Variants in CERKL observed in about 807,000 individuals in gnomAD.
CERKL encodes ceramide kinase-like protein.
Under a neutral mutation model 63.4 loss-of-function variants are expected in CERKL, and 61 were observed. The observed-to-expected ratio is 0.96, with a 90% CI of 0.78 to 1.19. The LOEUF (loss-of-function observed/expected upper bound fraction) is 1.19, where lower values mean the gene tolerates loss of function less well. Among genes scored for constraint, CERKL ranks in the 50% most tolerant of loss-of-function variants. The probability of loss-of-function intolerance (pLI) is 0.00; values close to 1 mark genes in which losing one functional copy is unlikely to be tolerated. For missense variants in CERKL, 675 were observed against 655.5 expected (o/e 1.03, Z -0.33); for synonymous variants, 250 against 230.5 (o/e 1.08, Z -0.77).
At chr2:181,538,297 A>C in intron 12 of CERKL, 53 bp from the exon 13 acceptor site, 1 of 1,043,204 alleles carries the variant, frequency 9.6e-7, no homozygotes, top group Non-Finnish European at 1.5e-6. Flanking sequence ...TTTCACATAC[A>C]CCTAATAAGT....
intron 2 of CERKL, among the ~76,000 whole-genome samples, chr2:181,603,536 T>A (rs1186458079): frequency 3.3e-5 from 5 of 152,118 alleles, no homozygotes; most frequent in African/African-American, 9.7e-5. Context: ...TTCAATAGCA[T>A]CTTTAAAAGA....
intron 1 of CERKL, among the ~76,000 whole-genome samples, chr2:181,656,127 C>G (rs928124757): frequency 6.6e-6 from 1 of 152,144 alleles, no homozygotes; most frequent in South Asian, 2.1e-4. Flanking sequence ...CTTGACGTAA[C>G]TAAGCATCGC....
At chr2:181,569,770 A>C (rs1002839032) in intron 3 of CERKL, among the ~76,000 whole-genome samples, 3 of 152,206 alleles carry the variant, frequency 2.0e-5, no homozygotes, top group African/African-American at 7.2e-5. Flanking sequence ...CAGACAGGAT[A>C]TCTCTCTTCA....
At chr2:181,548,160 C>T in intron 8 of CERKL, 1 of 536,278 alleles carries the variant, frequency 1.9e-6, no homozygotes. Context: ...AGGGACAAAA[C>T]TGTGTGTTTT....
chr2:181,602,920 T>C (rs963823451), intron 2 of CERKL, among the ~76,000 whole-genome samples: 2 of 152,228 alleles, frequency 1.3e-5, no homozygotes, highest in Non-Finnish European at 2.9e-5. Flanking sequence ...CCTAAGATCA[T>C]ATTTTAACTA....
chr2:181,544,695 T>G lies in CERKL; in HGVS notation c.1365+5A>C, dbSNP rs936783486. ...CAAATAAGTAACAAAAAGAATTTAC[T>G]ATACCTGATTTTTTACACTGGCATA... On this transcript the variant is annotated splice_donor_5th_base_variant and intron_variant, in intron 11 of 12. Coordinates refer to ENST00000410087, the MANE Select transcript of CERKL (RefSeq NM_201548.5). 1 of 1,547,106 alleles carries G rather than the reference T, an allele frequency of 6.5e-7. No individual in the cohort carries two copies. Among genetic ancestry groups the G allele is most frequent in the African/African-American group, 1.4e-5 (1 of 73,406 alleles).
intron 3 of CERKL, among the ~76,000 whole-genome samples, chr2:181,570,119 G>T (rs759403023): frequency 7.9e-5 from 12 of 152,140 alleles, no homozygotes; most frequent in Non-Finnish European, 1.6e-4. Flanking sequence ...CTGGAAGAAA[G>T]GGCACCTTTT....
intron 1 of CERKL, among the ~76,000 whole-genome samples, chr2:181,642,215 T>C (rs1405993257): frequency 6.6e-6 from 1 of 152,202 alleles, no homozygotes; most frequent in Non-Finnish European, 1.5e-5. Flanking sequence ...ATAATTCACA[T>C]GAGTAATAGG....
intron 8 of CERKL, 163 bp from the exon 9 acceptor site, chr2:181,548,010 G>A (rs145305774): frequency 4.5e-6 from 3 of 668,818 alleles, no homozygotes; most frequent in African/African-American, 3.6e-5. Flanking sequence ...CAATTTTGTT[G>A]CTGCCAACAT....
chr2:181,632,069 TAA>T (rs1183441561), intron 1 of CERKL, among the ~76,000 whole-genome samples: 22 of 152,364 alleles, frequency 1.4e-4, no homozygotes, highest in Admixed American at 1.3e-3. Context: ...ATCAGTATTT[TAA>T]AAGTGTTTCC....
At chr2:181,636,458 C>A (rs954785759) in intron 1 of CERKL, among the ~76,000 whole-genome samples, 1 of 150,314 alleles carries the variant, frequency 6.7e-6, no homozygotes, top group Admixed American at 6.6e-5. Context: ...ATCCTGCTAC[C>A]TAATTTACCA....
chr2:181,547,915 A>ACACACAC, intron 8 of CERKL, 68 bp from the exon 9 acceptor site: 27 of 1,422,554 alleles, frequency 1.9e-5, no homozygotes, highest in Non-Finnish European at 2.7e-5. Context: ...AGACACACAC[A>ACACACAC]AATCTATTAA....
intron 2 of CERKL, among the ~76,000 whole-genome samples, chr2:181,580,332 G>A (rs760545301): frequency 6.7e-6 from 1 of 149,988 alleles, no homozygotes; most frequent in Non-Finnish European, 1.5e-5. Context: ...TCTCCTAACT[G>A]GCTATAGCCT....
At chr2:181,589,012 T>G (rs1684879715) in intron 2 of CERKL, among the ~76,000 whole-genome samples, 1 of 152,230 alleles carries the variant, frequency 6.6e-6, no homozygotes, top group Non-Finnish European at 1.5e-5. Context: ...CTTAGAAATA[T>G]TTTCTCCCAT....
chr2:181,626,794 A>G (rs1003252678), intron 1 of CERKL, among the ~76,000 whole-genome samples: 4 of 152,210 alleles, frequency 2.6e-5, no homozygotes, highest in African/African-American at 9.6e-5. Context: ...CCTTACTACC[A>G]GAGAGGTCAT....
intron 2 of CERKL, among the ~76,000 whole-genome samples, chr2:181,575,487 G>C (rs999582082): frequency 6.6e-6 from 1 of 152,192 alleles, no homozygotes; most frequent in Non-Finnish European, 1.5e-5. Flanking sequence ...GGTTAACAGA[G>C]AAGGACAAAG....
chr2:181,606,704 A>G (rs1223620910), intron 1 of CERKL, among the ~76,000 whole-genome samples: 2 of 152,062 alleles, frequency 1.3e-5, no homozygotes, highest in African/African-American at 4.8e-5. Flanking sequence ...CTCCTGGTCC[A>G]TTTCTACAGT....
intron 1 of CERKL, among the ~76,000 whole-genome samples, chr2:181,614,076 T>G (rs1686086647): frequency 1.3e-5 from 2 of 152,138 alleles, no homozygotes; most frequent in African/African-American, 4.8e-5. Flanking sequence ...GTCTTTGTAT[T>G]GTTACCGAAG....
At chr2:181,639,556 C>T (rs13398869) in intron 1 of CERKL, among the ~76,000 whole-genome samples, 22,934 of 152,094 alleles carry the variant, frequency 0.15, 4,219 homozygotes, top group African/African-American at 0.44. Flanking sequence ...GTCTTAAAAG[C>T]CTGAAAGAAG....
Sources: gnomAD v4.1 joint callset for allele counts (sites outside exome capture counted in the v4.1 genomes callset) on GRCh38, gnomAD v4.1.1 for gene constraint, MANE v1.5 for transcripts, NCBI Gene and HGNC (gene_info 2026-07-23, HGNC 2026-07-21) for gene names.